SYT7: variants seen among roughly 807,000 people sequenced by gnomAD.
The protein encoded by SYT7 is synaptotagmin 7, also known as synaptotagmin-7.
In SYT7, 29 loss-of-function variants were observed where a neutral mutation model predicts 75.1. The ratio of observed to expected loss-of-function variants is 0.39; its 90% CI spans 0.29 to 0.53. The LOEUF (loss-of-function observed/expected upper bound fraction) is 0.53, where lower values mean the gene tolerates loss of function less well. Among genes scored for constraint, SYT7 ranks in the 20% least tolerant of loss-of-function variants. The pLI, the probability that SYT7 is intolerant of heterozygous loss-of-function variation, is 0.77. For missense variants in SYT7, 693 were observed against 953.2 expected (o/e 0.73, Z 3.59); for synonymous variants, 376 against 401.7 (o/e 0.94, Z 0.76).
chr11:61,551,407 C>T lies in SYT7; in HGVS notation c.192G>A (p.Gly64=), dbSNP rs375467422. 1.9e-5 allele frequency: 31 copies of T among 1,613,790 alleles called. No individual in the cohort carries two copies. The highest frequency in any genetic ancestry group is 1.7e-4 in the Admixed American group (10 of 59,992). Residue 64 remains glycine, a synonymous_variant, in exon 3 of 13, where the codon GGG becomes GGA. Transcript: ENST00000539008. This position sits in a 1 kb window ranked among gnomAD's most constrained non-coding sequence, Gnocchi z 5.3. ...ACTTGATAGCCTTCTTCTCACTGCGCCCACGCCCTGAGTCTGGCGTGCCCA... is the reference window on the plus strand; with the variant it reads ...ACTTGATAGCCTTCTTCTCACTGCGTCCACGCCCTGAGTCTGGCGTGCCCA... The part of the protein sequence containing the change: ...ETVGTPDSGR[G]RSEKKAINDL...
rs1377388118 is a variant in SYT7, at chr11:61,546,584, G to A, written c.348-329C>T. Reference sequence around the variant, plus strand: ...CCCCACCGCCTGGGGCAGGGGCGGCGGGGGTTGGGGGAGGGCAGCCACCTC... The same window carrying A: ...CCCCACCGCCTGGGGCAGGGGCGGCAGGGGTTGGGGGAGGGCAGCCACCTC... On this transcript the variant is annotated intron_variant, in intron 4 of 12. Transcript: ENST00000539008. The surrounding 1 kb of genome is among the most constrained non-coding windows in gnomAD (Gnocchi z 7.6). The A allele has an allele frequency of 1.7e-5, 8 of 482,674 alleles. No homozygotes were observed. Among genetic ancestry groups the A allele is most frequent in the South Asian group, 4.7e-5 (3 of 63,698 alleles). The allele number at this position is 482,674 out of a possible 1,614,324, so 29.9% of individuals were successfully genotyped here.
intron 8 of SYT7, among the ~76,000 whole-genome samples, chr11:61,531,270 C>T (rs1002761510): frequency 3.3e-5 from 5 of 152,246 alleles, no homozygotes; most frequent in South Asian, 2.1e-4. Flanking sequence ...CCCTTCCTTC[C>T]GCTGGCTGCA....
intron 8 of SYT7, among the ~76,000 whole-genome samples, chr11:61,531,423 A>G (rs2062704143): frequency 6.6e-6 from 1 of 152,048 alleles, no homozygotes; most frequent in Non-Finnish European, 1.5e-5. Flanking sequence ...GCAATGGCCC[A>G]TCCAGAAGAG....
the SYT7 span, among the ~76,000 whole-genome samples, chr11:61,588,021 G>A: frequency 2.0e-5 from 3 of 152,208 alleles, no homozygotes; most frequent in Non-Finnish European, 2.9e-5. Context: ...AGTGGGGGTG[G>A]GGCCTATCCC....
chr11:61,548,193 C>T (rs183354629), intron 3 of SYT7, among the ~76,000 whole-genome samples: 11 of 152,344 alleles, frequency 7.2e-5, no homozygotes, highest in Admixed American at 2.0e-4. Context: ...GGGGGCCCCT[C>T]GGTCCTTTGT....
intron 7 of SYT7, among the ~76,000 whole-genome samples, chr11:61,535,065 A>G (rs917269400): frequency 2.0e-5 from 3 of 152,228 alleles, no homozygotes; most frequent in African/African-American, 7.2e-5. Flanking sequence ...AGTCAGCGCC[A>G]CTGAAGCTGT....
At chr11:61,564,531 C>A (rs937726762) in intron 1 of SYT7, among the ~76,000 whole-genome samples, 3 of 152,182 alleles carry the variant, frequency 2.0e-5, no homozygotes, top group Non-Finnish European at 4.4e-5. Flanking sequence ...GGGTTAAATG[C>A]CTGCCCAGGA....
chr11:61,585,259 CA>C (rs1229258175), upstream of SYT7, among the ~76,000 whole-genome samples: 1 of 152,210 alleles, frequency 6.6e-6, no homozygotes, highest in Non-Finnish European at 1.5e-5. Context: ...CCCCTACCCC[CA>C]CCCCCTTGGC....
chr11:61,538,308 A>G, intron 6 of SYT7, 42 bp from the exon 7 acceptor site: 1 of 1,348,544 alleles, frequency 7.4e-7, no homozygotes, highest in Non-Finnish European at 9.7e-7. Flanking sequence ...TGAAACGAGG[A>G]GGCCCCGTGG....
Position 61,542,224 on chromosome 11 carries a change from T to G in SYT7, c.928A>C (p.Met310Leu). ...VGQIRNRGLD[M>L]KSFLEGRMVV... ...GGGAGGACTTACAGGAAGGATTTCA[T>G]GTCCAAGCCTCGGTTTCGAATCTGC... The change falls in exon 6 of 13, where the codon ATG (methionine) becomes CTG (leucine). Residue 310 changes from methionine to leucine, a missense_variant. Around this residue, in one of 2 missense-constraint regions of SYT7, gnomAD observed 487 missense variants for 593.2 expected, o/e 0.82. Coordinates refer to ENST00000539008, the MANE Select transcript of SYT7 (RefSeq NM_001365809.2). The surrounding 1 kb of genome is among the most constrained non-coding windows in gnomAD (Gnocchi z 7.8). The G allele has an allele frequency of 6.5e-7, 1 of 1,534,436 alleles. No homozygotes were observed. The highest frequency in any genetic ancestry group is 8.7e-7 in the Non-Finnish European group (1 of 1,146,148).
intron 12 of SYT7, among the ~76,000 whole-genome samples, chr11:61,519,035 C>G (rs2062227727): frequency 1.3e-5 from 2 of 152,238 alleles, no homozygotes; most frequent in Non-Finnish European, 2.9e-5. Context: ...GTCTCCATGG[C>G]CTTCCCTGCC....
At chr11:61,541,360 T>G (rs2063036906) in intron 6 of SYT7, 1 of 930,166 alleles carries the variant, frequency 1.1e-6, no homozygotes, top group African/African-American at 1.9e-5. Context: ...AGCCCAGACC[T>G]GTCTTAGGCT....
At chr11:61,530,361 C>T (rs1044256488) in intron 8 of SYT7, among the ~76,000 whole-genome samples, 2 of 152,192 alleles carry the variant, frequency 1.3e-5, no homozygotes, top group Non-Finnish European at 2.9e-5. Context: ...AGCGCCACCG[C>T]AGGCCCATTG....
intron 5 of SYT7, among the ~76,000 whole-genome samples, chr11:61,543,836 C>T (rs2063114113): frequency 6.6e-6 from 1 of 152,210 alleles, no homozygotes; most frequent in Non-Finnish European, 1.5e-5. Context: ...GGCACCAGAG[C>T]GGAGCCAGAG....
upstream of SYT7, among the ~76,000 whole-genome samples, chr11:61,581,519 C>A (rs2064273450): frequency 1.3e-5 from 2 of 152,202 alleles, no homozygotes; most frequent in Non-Finnish European, 2.9e-5. Flanking sequence ...GCTGGCGGCT[C>A]GAGGGCGTCA....
chr11:61,565,339 T>C (rs1427884338), intron 1 of SYT7, among the ~76,000 whole-genome samples: 1 of 152,130 alleles, frequency 6.6e-6, no homozygotes, highest in Non-Finnish European at 1.5e-5. Flanking sequence ...ACATTTTTGG[T>C]GCCTATCCTG....
chr11:61,518,799 G>T (rs1476270418), intron 12 of SYT7, 68 bp from the exon 13 acceptor site: 4 of 1,179,830 alleles, frequency 3.4e-6, no homozygotes, highest in East Asian at 2.9e-5. Context: ...CCCCACAGGG[G>T]TGACACCCCA....
At position 61,546,424 on chromosome 11, in the gene SYT7, T is replaced by G; in HGVS notation, c.348-169A>C. Reference sequence around the variant, plus strand: ...GGAGGAGGAGAGAGACAGACGGACATGAGACAGACAGAGAGAGAGAGAGAG... The same window carrying G: ...GGAGGAGGAGAGAGACAGACGGACAGGAGACAGACAGAGAGAGAGAGAGAG... On this transcript the variant is annotated intron_variant, in intron 4 of 12. Transcript: ENST00000539008. The surrounding 1 kb of genome is among the most constrained non-coding windows in gnomAD (Gnocchi z 7.6). 1.8e-6 allele frequency: 1 copy of G among 558,482 alleles called. No individual in the cohort carries two copies. The highest frequency in any genetic ancestry group is 2.1e-5 in the South Asian group (1 of 48,234). 34.6% of individuals were successfully genotyped at this position (558,482 alleles called of 1,614,324 possible). A position where few individuals can be genotyped will look rare whatever the true frequency, so the allele number is the denominator to read the frequency against.
rs375527608 is a variant in SYT7, at chr11:61,526,917, C to T, written c.1471+998G>A. On this transcript the variant is annotated intron_variant, in intron 9 of 12. Coordinates refer to ENST00000539008, the MANE Select transcript of SYT7 (RefSeq NM_001365809.2). ...GGTGGGGAAAGGTCCCTGGGGTACA[C>T]GGTGAAGATTCTGGAAGGCTAGGGC... 5.3e-5 allele frequency among the ~76,000 whole-genome samples: 8 copies of T among 152,200 alleles called. No individual in the cohort carries two copies. The East Asian group carries it at 9.7e-4, about 18-fold the overall frequency.
Sources: allele counts gnomAD v4.1 joint callset (sites outside exome capture counted in the v4.1 genomes callset), GRCh38; gene constraint gnomAD v4.1.1; regional missense constraint gnomAD v4.1.1; non-coding constraint Gnocchi (gnomAD v3.1); transcripts MANE v1.5; gene names NCBI Gene and HGNC (gene_info 2026-07-23, HGNC 2026-07-21).